Variants in YTHDC2 observed in about 807,000 individuals in gnomAD.
YTHDC2 encodes 3'-5' RNA helicase YTHDC2.
In YTHDC2, 45 loss-of-function variants were observed where a neutral mutation model predicts 174.9. That is an observed-to-expected ratio of 0.26 (90% CI 0.20 to 0.33). The LOEUF (loss-of-function observed/expected upper bound fraction) is 0.33, where lower values mean the gene tolerates loss of function less well. Ranked by LOEUF, YTHDC2 falls within the 10% of genes least tolerant of loss-of-function variation. YTHDC2 has a pLI of 1.00. For synonymous variants in YTHDC2, 657 were observed against 574.5 expected (o/e 1.14, Z -2.05); for missense variants, 1,650 against 1,723.7 (o/e 0.96, Z 0.76).
rs576485080 is a variant in YTHDC2, at chr5:113,593,694, ATAG to A, written c.*225_*227del. ...TTATATGATGTTTGTAATGAATAAA[ATAG>A]TAGTTTCATTATTTGGCACAATAGC... On this transcript the variant is annotated 3_prime_UTR_variant, in exon 30 of 30. Transcript: ENST00000161863. 16 of 183,694 alleles carry A rather than the reference ATAG, an allele frequency of 8.7e-5. No individual in the cohort carries two copies. The highest frequency in any genetic ancestry group is 3.6e-4 in the South Asian group (2 of 5,548). The allele number at this position is 183,694 out of a possible 1,614,324, so 11.4% of individuals were successfully genotyped here.
chr5:113,575,733 A>C (rs999126802), intron 23 of YTHDC2, among the ~76,000 whole-genome samples: 1 of 152,196 alleles, frequency 6.6e-6, no homozygotes, highest in African/African-American at 2.4e-5. Flanking sequence ...AAGTAAAGGA[A>C]TGACATGACG....
At chr5:113,520,535 A>C (rs1561620445) in intron 2 of YTHDC2, among the ~76,000 whole-genome samples, 1 of 151,532 alleles carries the variant, frequency 6.6e-6, no homozygotes. Context: ...AGGAGTCAGC[A>C]TTCTCATATT....
At position 113,539,137 on chromosome 5, in the gene YTHDC2, A is replaced by T. The variant is rs139636169; in HGVS notation, c.1166A>T (p.Tyr389Phe). ...GAAGATATTTTAAGAACAACTGGAT[A>T]TACAAACAAAGAAATGTTAAAATAT... ...FLEDILRTTG[Y>F]TNKEMLKYKK... is the part of the protein sequence containing the mutation. The change falls in exon 8 of 30, where the codon TAT (tyrosine) becomes TTT (phenylalanine). Residue 389 changes from tyrosine (Y) to phenylalanine (F), a missense_variant. Coordinates refer to ENST00000161863, the MANE Select transcript of YTHDC2 (RefSeq NM_022828.5). 950 of 1,433,164 alleles carry T rather than the reference A, an allele frequency of 6.6e-4. 3 individuals carry two copies. In the Middle Eastern group the frequency reaches 6.8e-3, roughly 10 times the overall value. 88.8% of individuals were successfully genotyped at this position (1,433,164 alleles called of 1,614,324 possible). A position where few individuals can be genotyped will look rare whatever the true frequency, so the allele number is the denominator to read the frequency against.
intron 26 of YTHDC2, among the ~76,000 whole-genome samples, chr5:113,589,406 AAAAT>A (rs1327737573): frequency 2.7e-5 from 3 of 111,150 alleles, no homozygotes; most frequent in African/African-American, 1.2e-4. Flanking sequence ...AAAAAAAAAA[AAAAT>A]ATATATATAT....
intron 2 of YTHDC2, among the ~76,000 whole-genome samples, chr5:113,517,064 T>A (rs1366799830): frequency 2.0e-5 from 3 of 152,214 alleles, no homozygotes; most frequent in Non-Finnish European, 2.9e-5. Flanking sequence ...GAGATTCAGA[T>A]TTTTTAGACT....
intron 4 of YTHDC2, among the ~76,000 whole-genome samples, chr5:113,528,791 A>G (rs570056978): frequency 6.6e-6 from 1 of 152,136 alleles, no homozygotes; most frequent in Non-Finnish European, 1.5e-5. Flanking sequence ...TTACAGGCAT[A>G]AGCCACCATG....
chr5:113,541,192 A>C (rs899529810), intron 9 of YTHDC2, 76 bp downstream of exon 9: 59 of 1,281,664 alleles, frequency 4.6e-5, no homozygotes, highest in Non-Finnish European at 5.9e-5. Flanking sequence ...TGAGCTTATA[A>C]TTTTTTTTTT....
intron 20 of YTHDC2, among the ~76,000 whole-genome samples, chr5:113,565,011 A>G (rs1382558393): frequency 6.6e-6 from 1 of 152,008 alleles, no homozygotes; most frequent in Non-Finnish European, 1.5e-5. Flanking sequence ...ACAGGGTTTC[A>G]CCATGTGGGC....
At chr5:113,565,082 G>C (rs1777242575) in intron 20 of YTHDC2, among the ~76,000 whole-genome samples, 1 of 151,914 alleles carries the variant, frequency 6.6e-6, no homozygotes, top group Non-Finnish European at 1.5e-5. Context: ...CCAAAGTGCT[G>C]GGATTACCAT....
chr5:113,554,507 A>G (rs1484436192), intron 16 of YTHDC2, among the ~76,000 whole-genome samples: 1 of 152,070 alleles, frequency 6.6e-6, no homozygotes. Flanking sequence ...AACCATGCTG[A>G]AAGAAAGCAA....
intron 9 of YTHDC2, among the ~76,000 whole-genome samples, chr5:113,541,693 TGA>T (rs931108743): frequency 5.3e-5 from 8 of 152,122 alleles, no homozygotes; most frequent in African/African-American, 1.9e-4. Context: ...GAACTGTACA[TGA>T]GTTTTTAAAA....
In YTHDC2 at chr5:113,563,375, A is replaced by G; in HGVS notation, c.2325A>G (p.Glu775=). Residue 775 remains glutamate, a splice_region_variant and synonymous_variant, in exon 19 of 30, where the codon GAA becomes GAG. Coordinates refer to ENST00000161863, the MANE Select transcript of YTHDC2 (RefSeq NM_022828.5). ...TPELLRMPLQ[E]LCLHTKLLAP... ...TTATTTACTGTTTTGGTTTATAGGA[A>G]CTTTGCTTACATACCAAGCTGTTAG... 6.2e-7 allele frequency: 1 copy of G among 1,608,040 alleles called. No homozygotes were observed. The highest frequency in any genetic ancestry group is 8.5e-7 in the Non-Finnish European group (1 of 1,177,204).
intron 10 of YTHDC2, among the ~76,000 whole-genome samples, chr5:113,545,668 C>G (rs926455642): frequency 6.6e-6 from 1 of 151,390 alleles, no homozygotes; most frequent in East Asian, 2.0e-4. Context: ...GCTGGGATTA[C>G]AGACATGAGC....
intron 17 of YTHDC2, among the ~76,000 whole-genome samples, chr5:113,556,693 A>G (rs1269251867): frequency 2.6e-5 from 4 of 152,194 alleles, no homozygotes; most frequent in Admixed American, 6.5e-5. Context: ...TTCATATTTT[A>G]CTGATGGGAG....
At chr5:113,544,627 C>G (rs1775725731) in intron 10 of YTHDC2, among the ~76,000 whole-genome samples, 1 of 151,928 alleles carries the variant, frequency 6.6e-6, no homozygotes, top group Non-Finnish European at 1.5e-5. Context: ...CTGGAGTGAA[C>G]ATATGTATTT....
chr5:113,548,961 A>G lies in YTHDC2; in HGVS notation c.1629A>G (p.Ala543=), dbSNP rs1195840777. ...ATCCTTTGAATTTTGGCAGGATGGC[A>G]TTGGATTGGGCTAAACACTTTGGGC... ...VHSKASNGWM[A]LDWAKHFGQT... is the part of the protein sequence containing the mutation. Residue 543 remains alanine, a synonymous_variant, in exon 12 of 30, where the codon GCA becomes GCG. Transcript: ENST00000161863. 1.2e-6 allele frequency: 2 copies of G among 1,612,024 alleles called. No homozygotes were observed. Among genetic ancestry groups the G allele is most frequent in the Middle Eastern group, 1.7e-4 (1 of 6,044 alleles).
chr5:113,555,281 G>A (rs754535271), intron 16 of YTHDC2, among the ~76,000 whole-genome samples: 5 of 151,920 alleles, frequency 3.3e-5, no homozygotes, highest in Non-Finnish European at 7.4e-5. Context: ...CAAATGTAAT[G>A]TCATATTAAA....
At chr5:113,567,394 A>C in intron 22 of YTHDC2, 97 bp downstream of exon 22, 1 of 592,208 alleles carries the variant, frequency 1.7e-6, no homozygotes, top group African/African-American at 2.5e-5. Context: ...TGCTTTAAGA[A>C]ATTAATTAGT....
chr5:113,516,629 T>A (rs1384224504), intron 2 of YTHDC2, among the ~76,000 whole-genome samples: 3 of 152,204 alleles, frequency 2.0e-5, no homozygotes, highest in Non-Finnish European at 4.4e-5. Context: ...CCAGAGATGC[T>A]TCTAGAGGTT....
Sources: gnomAD v4.1 joint callset for allele counts (sites outside exome capture counted in the v4.1 genomes callset) on GRCh38, gnomAD v4.1.1 for gene constraint, MANE v1.5 for transcripts, NCBI Gene and HGNC (gene_info 2026-07-23, HGNC 2026-07-21) for gene names.